Variants in PAH observed in about 807,000 individuals in gnomAD.
The protein encoded by PAH is phenylalanine hydroxylase.
Under a neutral mutation model 62.0 loss-of-function variants are expected in PAH, and 64 were observed. That is an observed-to-expected ratio of 1.03 (90% CI 0.84 to 1.27). The LOEUF is 1.27. Among genes scored for constraint, PAH ranks in the 50% most tolerant of loss-of-function variants. The pLI, the probability that PAH is intolerant of heterozygous loss-of-function variation, is 0.00. For missense variants in PAH, 579 were observed against 542.8 expected, an observed-to-expected ratio of 1.07 and a Z score of -0.66; for synonymous variants, 195 against 196.2, an observed-to-expected ratio of 0.99 and a Z score of 0.05.
chr12:102,903,004 G>T (rs1326674638), intron 2 of PAH, among the ~76,000 whole-genome samples: 2 of 152,182 alleles, frequency 1.3e-5, no homozygotes, highest in African/African-American at 4.8e-5. Context: ...TTAGAGAAAA[G>T]AACTGTCTTT....
intron 2 of PAH, among the ~76,000 whole-genome samples, chr12:102,905,001 T>C (rs1179422326): frequency 1.3e-5 from 2 of 152,216 alleles, no homozygotes; most frequent in African/African-American, 4.8e-5. Flanking sequence ...CTCTCCCTAG[T>C]CTTCCAACAT....
upstream of PAH, among the ~76,000 whole-genome samples, chr12:102,921,534 A>G (rs970406833): frequency 3.9e-5 from 6 of 152,326 alleles, no homozygotes; most frequent in Non-Finnish European, 8.8e-5. Context: ...TTGAAATAAC[A>G]AGTCCATCCT....
At chr12:102,849,013 GACTGGAGGGGTCCAGGGTAGAGACC>G (rs1177831066) in intron 8 of PAH, among the ~76,000 whole-genome samples, 3 of 152,162 alleles carry the variant, frequency 2.0e-5, no homozygotes. Flanking sequence ...AACACATGGA[GACTGGAGGGGTCCAGGGTAGAGACC>G]ACTAGAGGGG....
chr12:102,851,469 A>AT (rs1423773210), intron 8 of PAH, among the ~76,000 whole-genome samples: 1 of 152,172 alleles, frequency 6.6e-6, no homozygotes, highest in East Asian at 1.9e-4. Flanking sequence ...AAGAACACAC[A>AT]TATGATTCAG....
At chr12:102,895,346 T>C (rs192648272) in intron 2 of PAH, among the ~76,000 whole-genome samples, 41 of 152,280 alleles carry the variant, frequency 2.7e-4, no homozygotes, top group Non-Finnish European at 5.1e-4. Context: ...GTCAGACTTA[T>C]TTGATTTATA....
At chr12:102,844,160 A>C (rs1296553185) in intron 10 of PAH, among the ~76,000 whole-genome samples, 176 bp downstream of exon 10, 4 of 152,196 alleles carry the variant, frequency 2.6e-5, no homozygotes, top group Non-Finnish European at 5.9e-5. Context: ...TTCTATCTGT[A>C]AAACCCACAG....
At chr12:102,954,871 G>T (rs1184770957), upstream of PAH, among the ~76,000 whole-genome samples, 1 of 152,212 alleles carries the variant, frequency 6.6e-6, no homozygotes, top group Non-Finnish European at 1.5e-5. Context: ...CCCTAGGGTT[G>T]GAGGAGAAAG....
chr12:102,865,396 A>C (rs753989134), intron 5 of PAH, among the ~76,000 whole-genome samples: 17 of 152,220 alleles, frequency 1.1e-4, no homozygotes, highest in Non-Finnish European at 1.9e-4. Flanking sequence ...GATGTTGGCA[A>C]CTTACTTAAC....
At chr12:102,840,881 A>G (rs891546787) in intron 11 of PAH, among the ~76,000 whole-genome samples, 1 of 152,204 alleles carries the variant, frequency 6.6e-6, no homozygotes, top group Non-Finnish European at 1.5e-5. Context: ...GAGGGAAAAA[A>G]GCTCTGAAAT....
intron 1 of PAH, among the ~76,000 whole-genome samples, chr12:102,941,975 AC>A (rs1255262891): frequency 6.6e-6 from 1 of 152,260 alleles, no homozygotes; most frequent in African/African-American, 2.4e-5. Flanking sequence ...CCAACATTAT[AC>A]TGAATAGCAA....
intron 1 of PAH, among the ~76,000 whole-genome samples, chr12:102,915,956 C>CCT (rs1407691269): frequency 6.6e-6 from 1 of 151,978 alleles, no homozygotes; most frequent in Non-Finnish European, 1.5e-5. Flanking sequence ...ACTTTAAACC[C>CCT]CTATGCTTTC....
upstream of PAH, among the ~76,000 whole-genome samples, chr12:102,955,148 C>G (rs1221140411): frequency 1.2e-4 from 18 of 152,130 alleles, 1 homozygote; most frequent in Admixed American, 1.1e-3. Flanking sequence ...GGCTTCTTCA[C>G]TACAATGCAC....
At chr12:102,860,686 T>C (rs1875676325) in intron 5 of PAH, among the ~76,000 whole-genome samples, 1 of 152,150 alleles carries the variant, frequency 6.6e-6, no homozygotes, top group Non-Finnish European at 1.5e-5. Context: ...ACCACACATC[T>C]ACAACCAACT....
intron 5 of PAH, among the ~76,000 whole-genome samples, chr12:102,860,573 C>A (rs146539526): frequency 0.016 from 2,425 of 152,156 alleles, 63 homozygotes; most frequent in African/African-American, 0.055. Flanking sequence ...ACACTACCTG[C>A]CTTCAAACTA....
At chr12:102,944,934 T>A (rs1879435059) in intron 1 of PAH, among the ~76,000 whole-genome samples, 1 of 152,248 alleles carries the variant, frequency 6.6e-6, no homozygotes, top group South Asian at 2.1e-4. Flanking sequence ...AATTTGGATA[T>A]TGTAATCCAA....
chr12:102,922,818 A>G (rs1049848171), intron 1 of PAH, among the ~76,000 whole-genome samples: 75 of 152,310 alleles, frequency 4.9e-4, no homozygotes, highest in Non-Finnish European at 8.7e-4. Context: ...ATACTGACAA[A>G]TTACCCTTTA....
chr12:102,914,087 C>A (rs1878298878), intron 1 of PAH, among the ~76,000 whole-genome samples: 13 of 152,140 alleles, frequency 8.5e-5, no homozygotes, highest in Admixed American at 8.5e-4. Flanking sequence ...ACTGATGACC[C>A]TTAGCAAAAA....
At chr12:102,846,818 G>T in intron 9 of PAH, 77 bp downstream of exon 9, 2 of 1,208,982 alleles carry the variant, frequency 1.7e-6, no homozygotes, top group South Asian at 2.4e-5. Flanking sequence ...GCTTCCAGGG[G>T]AGTAGGAAAG....
Position 102,905,388 on chromosome 12 carries a change from G to A in PAH, c.168+7403C>T, listed in dbSNP as rs552078115. ...CACTAGTCCAAGGACAGGGTACCAA[G>A]ATCTACCAGCCAAGCTTCTCTTGGC... is the stretch of plus-strand genomic sequence containing the variant. On this transcript the variant is annotated intron_variant, in intron 2 of 12. Transcript: ENST00000553106. Among the ~76,000 whole-genome samples the A allele has an allele frequency of 3.3e-5, 5 of 152,264 alleles. No homozygotes were observed. The South Asian group carries it at 1.0e-3, about 32-fold the overall frequency.
Sources: allele counts gnomAD v4.1 joint callset (sites outside exome capture counted in the v4.1 genomes callset), GRCh38; gene constraint gnomAD v4.1.1; transcripts MANE v1.5; gene names NCBI Gene and HGNC (gene_info 2026-07-23, HGNC 2026-07-21).